The following ALMS1 variants were observed in gnomAD, a reference collection of about 807,000 sequenced individuals.
ALMS1 encodes centrosome-associated protein ALMS1.
A neutral mutation model predicts 352.2 loss-of-function variants in ALMS1; 271 were observed. The ratio of observed to expected loss-of-function variants is 0.77; its 90% CI spans 0.70 to 0.85. ALMS1 has a LOEUF of 0.85. Among genes scored for constraint, ALMS1 ranks in the 40% least tolerant of loss-of-function variants. The pLI is 0.00. For missense variants in ALMS1, 5,445 were observed against 4,870.7 expected (o/e 1.12, Z -3.51); for synonymous variants, 1,865 against 1,761.2 (o/e 1.06, Z -1.48).
chr2:73,438,661 A>G (rs1671654193), intron 7 of ALMS1, among the ~76,000 whole-genome samples: 1 of 152,236 alleles, frequency 6.6e-6, no homozygotes, highest in Non-Finnish European at 1.5e-5. Flanking sequence ...CTGAAGGAGC[A>G]TGGGTAGAGA....
intron 13 of ALMS1, among the ~76,000 whole-genome samples, chr2:73,552,042 GT>G (rs201153182): frequency 1.3e-5 from 2 of 151,918 alleles, no homozygotes; most frequent in African/African-American, 2.4e-5. Context: ...GATCTGCATG[GT>G]TTTTTTTATT....
At position 73,490,205 on chromosome 2, in the gene ALMS1, T is replaced by C. The variant is rs2103891180; in HGVS notation, c.8246T>C (p.Val2749Ala). ...GSQCTGASVG[V>A]FNSHFTEEQN... The stretch of plus-strand genomic sequence containing the variant: ...CAGTGTACTGGAGCATCTGTGGGGG[T>C]ATTTAATTCTCATTTCACTGAAGAA... The change falls in exon 10 of 23, where the codon GTA (valine) becomes GCA (alanine). Residue 2749 changes from valine to alanine, a missense_variant. Transcript: ENST00000613296. 6.2e-7 allele frequency: 1 copy of C among 1,614,164 alleles called. No homozygotes were observed. Among genetic ancestry groups the C allele is most frequent in the Admixed American group, 1.7e-5 (1 of 60,028 alleles).
In ALMS1 at chr2:73,490,347, A is replaced by T. The variant is rs770409935; in HGVS notation, c.8388A>T (p.Gln2796His). 2.5e-6 allele frequency: 4 copies of T among 1,612,614 alleles called. No homozygotes were observed. In the Admixed American group the frequency reaches 6.7e-5, roughly 27 times the overall value. Residue 2796 changes from glutamine to histidine, a missense_variant, in exon 10 of 23, where the codon CAA becomes CAT. By Grantham distance (24) the Gln-to-His change is conservative. Coordinates refer to ENST00000613296, the MANE Select transcript of ALMS1 (RefSeq NM_001378454.1). ...TILAEGRRQS[Q>H]KLPVDFERSF... ...TAGCAGAAGGTAGAAGGCAAAGCCA[A>T]AAATTACCTGTTGATTTTGAGCGTT...
chr2:73,602,519 C>A, intron 20 of ALMS1, 151 bp downstream of exon 20: 1 of 908,820 alleles, frequency 1.1e-6, no homozygotes, highest in Non-Finnish European at 1.7e-6. Context: ...TCTTAGCTAG[C>A]AGAATCTCCC....
At chr2:73,607,169 A>C (rs991840822) in intron 21 of ALMS1, among the ~76,000 whole-genome samples, 1 of 152,220 alleles carries the variant, frequency 6.6e-6, no homozygotes, top group Non-Finnish European at 1.5e-5. Flanking sequence ...TTTTTCCCTC[A>C]AATTGTTAAT....
At position 73,601,223 on chromosome 2, in the gene ALMS1, TGTGGAGTCTAGATCAAAGAAGGAAAAC is replaced by T; in HGVS notation, c.11905_11931del (p.Glu3969_Val3977del). On this transcript the variant is annotated inframe_deletion, in exon 19 of 23. Transcript: ENST00000613296. ...TTTCCTGGTTTGTTCCTGTGGAAAA[TGTGGAGTCTAGATCAAAGAAGGAAAAC>T]GTGCCTAACACTTGTGGCCCTGGCA... The T allele has an allele frequency of 6.2e-7, 1 of 1,614,026 alleles. No homozygotes were observed. Among genetic ancestry groups the T allele is most frequent in the Non-Finnish European group, 8.5e-7 (1 of 1,180,000 alleles).
In ALMS1 at chr2:73,450,555, TC is replaced by T; in HGVS notation, c.4029del (p.Tyr1344ThrfsTer15). 1 of 1,612,396 alleles carries T rather than the reference TC, an allele frequency of 6.2e-7. No homozygotes were observed. The highest frequency in any genetic ancestry group is 8.5e-7 in the Non-Finnish European group (1 of 1,179,734). On this transcript the variant is annotated frameshift_variant, in exon 8 of 23. Coordinates refer to ENST00000613296, the MANE Select transcript of ALMS1 (RefSeq NM_001378454.1). LOFTEE classifies it high-confidence loss of function. ...FYSHTEKPGV[F>X]YQQVLPHSHP... ...TCACACACAGAGAAGCCTGGTGTTT[TC>T]TACCAACAGGTCTTGCCACATAGTC...
chr2:73,589,253 C>T (rs1251545798), intron 16 of ALMS1, among the ~76,000 whole-genome samples: 1 of 152,030 alleles, frequency 6.6e-6, no homozygotes, highest in African/African-American at 2.4e-5. Flanking sequence ...GGTGAATTCC[C>T]AAATTTCTCA....
chr2:73,552,201 ATTTTT>A (rs1463388509), intron 13 of ALMS1, among the ~76,000 whole-genome samples: 1 of 152,118 alleles, frequency 6.6e-6, no homozygotes, highest in Non-Finnish European at 1.5e-5. Flanking sequence ...CTATCCCTCC[ATTTTT>A]TTAGATAATT....
chr2:73,471,277 A>G (rs1436504712), intron 9 of ALMS1, among the ~76,000 whole-genome samples: 2 of 150,572 alleles, frequency 1.3e-5, no homozygotes, highest in Non-Finnish European at 3.0e-5. Flanking sequence ...TGTGGTTACC[A>G]AAGTCTTAAC....
intron 10 of ALMS1, among the ~76,000 whole-genome samples, chr2:73,494,798 A>G (rs1161998912): frequency 6.6e-6 from 1 of 152,212 alleles, no homozygotes; most frequent in African/African-American, 2.4e-5. Flanking sequence ...CTCCACTGTA[A>G]GGTTATTGTT....
At position 73,573,204 on chromosome 2, in the gene ALMS1, A is replaced by C. The variant is rs774773506; in HGVS notation, c.11327A>C (p.His3776Pro). 3.7e-6 allele frequency: 6 copies of C among 1,612,356 alleles called. No homozygotes were observed. The highest frequency in any genetic ancestry group is 5.1e-6 in the Non-Finnish European group (6 of 1,178,934). The change falls in exon 16 of 23, where the codon CAC (histidine) becomes CCC (proline). Residue 3776 changes from histidine to proline, a missense_variant. Physicochemically the swap from His to Pro is moderately conservative, Grantham distance 77 (BLOSUM62 -2). Transcript: ENST00000613296. ...LTQTDREVAL[H>P]ERSSSVSTID... Reference sequence around the variant, plus strand: ...CAAACAGATAGAGAGGTGGCTCTGCACGAAAGGAGTAGCTCTGTTTCCACT... The same window carrying C: ...CAAACAGATAGAGAGGTGGCTCTGCCCGAAAGGAGTAGCTCTGTTTCCACT...
At chr2:73,500,566 A>G (rs1673198377) in intron 10 of ALMS1, among the ~76,000 whole-genome samples, 1 of 152,110 alleles carries the variant, frequency 6.6e-6, no homozygotes, top group Non-Finnish European at 1.5e-5. Context: ...GATTACTGGG[A>G]TGCTATGACT....
At chr2:73,574,561 G>A (rs185847461) in intron 16 of ALMS1, among the ~76,000 whole-genome samples, 337 of 152,192 alleles carry the variant, frequency 2.2e-3, no homozygotes, top group African/African-American at 7.9e-3. Flanking sequence ...TCTAGAGAAA[G>A]GGAGGCATGA....
intron 2 of ALMS1, among the ~76,000 whole-genome samples, chr2:73,414,475 T>TTTTTTTTTTTTTGG (rs1671142992): frequency 1.4e-5 from 1 of 73,986 alleles, no homozygotes. Context: ...TTTTTTCCGT[T>TTTTTTTTTTTTTGG]TTTTTTTTTT....
rs763246949 is a variant in ALMS1 at position 73,419,335 on chromosome 2, T to C, written c.646+17T>C. ...CACTGCTAGGTAATGCCTGTTTATTTTAACTAGTAGTAATACCTCACATTT... is the reference window on the plus strand; with the variant it reads ...CACTGCTAGGTAATGCCTGTTTATTCTAACTAGTAGTAATACCTCACATTT... On this transcript the variant is annotated intron_variant, in intron 3 of 22. Coordinates refer to ENST00000613296, the MANE Select transcript of ALMS1 (RefSeq NM_001378454.1). 9.6e-5 allele frequency: 154 copies of C among 1,608,580 alleles called. No homozygotes were observed. Among genetic ancestry groups the C allele is most frequent in the Non-Finnish European group, 1.3e-4 (148 of 1,175,062 alleles).
At chr2:73,589,267 A>C (rs921960218) in intron 16 of ALMS1, among the ~76,000 whole-genome samples, 2 of 152,208 alleles carry the variant, frequency 1.3e-5, no homozygotes, top group Non-Finnish European at 2.9e-5. Context: ...TTTCTCATTG[A>C]CTTCTATTTT....
chr2:73,586,221 G>T (rs911485583), intron 16 of ALMS1, among the ~76,000 whole-genome samples: 2 of 152,142 alleles, frequency 1.3e-5, no homozygotes, highest in Non-Finnish European at 2.9e-5. Flanking sequence ...CATTTTGTGG[G>T]TTGTTTGCTG....
intron 16 of ALMS1, among the ~76,000 whole-genome samples, chr2:73,589,827 C>T (rs138332654): frequency 1.7e-3 from 265 of 152,280 alleles, no homozygotes; most frequent in Admixed American, 3.3e-3. Flanking sequence ...TCCCCTTATG[C>T]GTCTGTCTGA....
Sources: gnomAD v4.1 joint callset for allele counts (sites outside exome capture counted in the v4.1 genomes callset) on GRCh38, gnomAD v4.1.1 for gene constraint, MANE v1.5 for transcripts, NCBI Gene and HGNC (gene_info 2026-07-23, HGNC 2026-07-21) for gene names.